COL5A2: variants seen among roughly 807,000 people sequenced by gnomAD.
The protein encoded by COL5A2 is collagen type V alpha 2 chain, also known as collagen alpha-2(V) chain.
COL5A2 carries 23 observed loss-of-function variants against 208.2 expected under a neutral mutation model. The observed-to-expected ratio is 0.11, with a 90% confidence interval of 0.08 to 0.16. COL5A2 has a LOEUF of 0.16. COL5A2 is among the 10% of genes least tolerant of loss of function. COL5A2 has a pLI of 1.00. For synonymous variants in COL5A2, 625 were observed against 628.5 expected, an observed-to-expected ratio of 0.99 and a Z score of 0.08; for missense variants, 1,590 against 1,956.4, an observed-to-expected ratio of 0.81 and a Z score of 3.53.
At chr2:189,110,574 C>T (rs1687241283) in intron 1 of COL5A2, 125 bp from the exon 2 acceptor site, 1 of 731,770 alleles carries the variant, frequency 1.4e-6, no homozygotes, top group Admixed American at 2.2e-5. Context: ...AGGAGCCAAA[C>T]ACAGATGAAC....
chr2:189,179,015 C>G (rs768394407), intron 1 of COL5A2, among the ~76,000 whole-genome samples: 1 of 151,990 alleles, frequency 6.6e-6, no homozygotes, highest in Non-Finnish European at 1.5e-5. Context: ...GAATGAGGAG[C>G]CAAAGACAAA....
chr2:189,084,523 C>A (rs1367920712), intron 11 of COL5A2, among the ~76,000 whole-genome samples: 1 of 152,044 alleles, frequency 6.6e-6, no homozygotes, highest in Non-Finnish European at 1.5e-5. Context: ...TCTTATGACT[C>A]ATAAAGAGAA....
At chr2:189,426,649 TTAAC>T in the COL5A2 span, among the ~76,000 whole-genome samples, 1 of 152,234 alleles carries the variant, frequency 6.6e-6, no homozygotes, top group African/African-American at 2.4e-5. Context: ...ACTTTCTAAA[TTAAC>T]TGTCTCAGAT....
At chr2:189,154,112 G>C (rs1688198630) in intron 1 of COL5A2, among the ~76,000 whole-genome samples, 1 of 151,940 alleles carries the variant, frequency 6.6e-6, no homozygotes, top group Non-Finnish European at 1.5e-5. Context: ...AAACAAAAAA[G>C]GCACACACAC....
chr2:189,412,640 A>C, the COL5A2 span, among the ~76,000 whole-genome samples: 1 of 152,204 alleles, frequency 6.6e-6, no homozygotes, highest in African/African-American at 2.4e-5. Flanking sequence ...TCAGATCTCT[A>C]GTATGAAAAT....
the COL5A2 span, among the ~76,000 whole-genome samples, chr2:189,428,844 C>A: frequency 1.3e-5 from 2 of 152,124 alleles, no homozygotes; most frequent in Admixed American, 6.5e-5. Context: ...TTCTTTATAG[C>A]AGCACAAGAA....
chr2:189,254,532 A>C, the COL5A2 span, among the ~76,000 whole-genome samples: 1 of 152,232 alleles, frequency 6.6e-6, no homozygotes, highest in Non-Finnish European at 1.5e-5. Context: ...TAGGAGTGGG[A>C]AAGAGGGAAA....
chr2:189,295,761 G>A, the COL5A2 span, among the ~76,000 whole-genome samples: 2 of 152,214 alleles, frequency 1.3e-5, no homozygotes. Context: ...AAACTTGGGT[G>A]AGTTAAACTT....
chr2:189,164,115 T>C (rs928677315), intron 1 of COL5A2, among the ~76,000 whole-genome samples: 1 of 152,202 alleles, frequency 6.6e-6, no homozygotes, highest in Non-Finnish European at 1.5e-5. Flanking sequence ...TTGGCTCAGA[T>C]GCCTGTGGAT....
intron 1 of COL5A2, among the ~76,000 whole-genome samples, chr2:189,143,241 C>A (rs1235199269): frequency 2.0e-5 from 3 of 152,194 alleles, no homozygotes; most frequent in Non-Finnish European, 4.4e-5. Flanking sequence ...CTCTCCTTGT[C>A]ATACTATGAA....
At position 189,058,501 on chromosome 2, in the gene COL5A2, T is replaced by C; in HGVS notation, c.2157A>G (p.Arg719=). Residue 719 remains arginine (R), a synonymous_variant, in exon 33 of 54, where the codon AGA becomes AGG. Coordinates refer to ENST00000374866, the MANE Select transcript of COL5A2 (RefSeq NM_000393.5). ...GGAGTCCAGTTATCCCAGGTTCTCCTCTTTCCCCAGGATTTCCTCGTTCTC... is the reference window on the plus strand; with the variant it reads ...GGAGTCCAGTTATCCCAGGTTCTCCCCTTTCCCCAGGATTTCCTCGTTCTC... ...PRGERGNPGE[R]GEPGITGLPG... 1 of 1,614,040 alleles carries C rather than the reference T, an allele frequency of 6.2e-7. No homozygotes were observed. The highest frequency in any genetic ancestry group is 8.5e-7 in the Non-Finnish European group (1 of 1,179,936).
the COL5A2 span, among the ~76,000 whole-genome samples, chr2:189,329,484 CA>C: frequency 6.6e-6 from 1 of 151,610 alleles, no homozygotes; most frequent in Non-Finnish European, 1.5e-5. Flanking sequence ...ATTTCCTCAC[CA>C]AAAAAAGACA....
the COL5A2 span, among the ~76,000 whole-genome samples, chr2:189,409,912 T>C: frequency 2.6e-5 from 4 of 152,182 alleles, no homozygotes; most frequent in African/African-American, 9.7e-5. Flanking sequence ...ATCTGTTTGC[T>C]TTATAATTAT....
chr2:189,035,310 A>G (rs1685422668), intron 52 of COL5A2, among the ~76,000 whole-genome samples, 155 bp from the exon 53 acceptor site: 1 of 152,136 alleles, frequency 6.6e-6, no homozygotes, highest in African/African-American at 2.4e-5. Context: ...CTAGCTGTAC[A>G]TCTAAACATA....
chr2:189,231,047 A>G, the COL5A2 span, among the ~76,000 whole-genome samples: 2 of 152,102 alleles, frequency 1.3e-5, no homozygotes, highest in South Asian at 4.1e-4. Context: ...TCTTGGAGAC[A>G]TTATGCTGAG....
intron 38 of COL5A2, 137 bp downstream of exon 38, chr2:189,053,287 G>A (rs1685830804): frequency 3.6e-6 from 3 of 827,434 alleles, no homozygotes; most frequent in East Asian, 2.7e-5. Context: ...ATAAAAAAAT[G>A]TATTGAAAAT....
At chr2:189,310,320 C>G in the COL5A2 span, among the ~76,000 whole-genome samples, 1 of 152,072 alleles carries the variant, frequency 6.6e-6, no homozygotes, top group Non-Finnish European at 1.5e-5. Context: ...TGAAAAGGTG[C>G]TCAACACCAC....
At chr2:189,072,509 T>G (rs1576508136) in intron 17 of COL5A2, among the ~76,000 whole-genome samples, 1 of 152,144 alleles carries the variant, frequency 6.6e-6, no homozygotes, top group Non-Finnish European at 1.5e-5. Context: ...CGGTGGCTCA[T>G]GCCTGTAATC....
At chr2:189,428,163 T>C in the COL5A2 span, among the ~76,000 whole-genome samples, 1 of 152,084 alleles carries the variant, frequency 6.6e-6, no homozygotes, top group African/African-American at 2.4e-5. Context: ...CAGGGTGAAA[T>C]GATATGGTTT....
Sources: allele counts gnomAD v4.1 joint callset (sites outside exome capture counted in the v4.1 genomes callset), GRCh38; gene constraint gnomAD v4.1.1; transcripts MANE v1.5; gene names NCBI Gene and HGNC (gene_info 2026-07-23, HGNC 2026-07-21).